EEFSEC: variants seen among roughly 807,000 people sequenced by gnomAD.
EEFSEC encodes the protein selenocysteine-specific elongation factor.
Under a neutral mutation model 42.1 loss-of-function variants are expected in EEFSEC, and 43 were observed. That is an observed-to-expected ratio of 1.02 (90% CI 0.80 to 1.32). The LOEUF (loss-of-function observed/expected upper bound fraction) is 1.32. Ranked by LOEUF, EEFSEC falls within the 40% of genes most tolerant of loss-of-function variation. The pLI is 0.00. For missense variants in EEFSEC, 745 were observed against 803.6 expected, an observed-to-expected ratio of 0.93 and a Z score of 0.88; for synonymous variants, 354 against 339.1, an observed-to-expected ratio of 1.04 and a Z score of -0.48.
chr3:128,353,513 A>G (rs1038592275), intron 5 of EEFSEC, among the ~76,000 whole-genome samples: 1 of 152,116 alleles, frequency 6.6e-6, no homozygotes, highest in Non-Finnish European at 1.5e-5. Context: ...GAACTTGGGG[A>G]TTGTCTTCTG....
At chr3:128,217,615 A>C (rs2065822960) in intron 1 of EEFSEC, among the ~76,000 whole-genome samples, 1 of 152,156 alleles carries the variant, frequency 6.6e-6, no homozygotes, top group Admixed American at 6.5e-5. Flanking sequence ...GGCCTGCCTG[A>C]ACATGTTCAA....
At chr3:128,420,365 G>A in the EEFSEC span, among the ~76,000 whole-genome samples, 4 of 152,246 alleles carry the variant, frequency 2.6e-5, no homozygotes, top group African/African-American at 7.2e-5. Flanking sequence ...ATGTGAGAAC[G>A]GTCCCTGCTG....
chr3:128,246,798 C>T (rs368182840), intron 1 of EEFSEC, 38 bp from the exon 2 acceptor site: 4 of 1,607,966 alleles, frequency 2.5e-6, no homozygotes, highest in East Asian at 2.2e-5. Flanking sequence ...GGCTCACCAC[C>T]CCTTTTCCCT....
intron 5 of EEFSEC, among the ~76,000 whole-genome samples, chr3:128,355,609 T>TAAA (rs5852542): frequency 5.7e-5 from 7 of 122,714 alleles, no homozygotes; most frequent in African/African-American, 1.8e-4. Flanking sequence ...AATGAAGCTG[T>TAAA]AAAAAAAAAA....
intron 6 of EEFSEC, among the ~76,000 whole-genome samples, chr3:128,381,563 C>T (rs1241460146): frequency 2.0e-5 from 3 of 152,196 alleles, no homozygotes; most frequent in Admixed American, 1.3e-4. Flanking sequence ...TACATTCATG[C>T]GTCAATCACC....
intron 2 of EEFSEC, among the ~76,000 whole-genome samples, chr3:128,257,052 T>C (rs1332479484): frequency 3.9e-5 from 6 of 152,178 alleles, no homozygotes; most frequent in African/African-American, 7.2e-5. Context: ...GCCCAGAATT[T>C]ATGTTTTTGA....
At chr3:128,223,185 G>A (rs1282307649) in intron 1 of EEFSEC, among the ~76,000 whole-genome samples, 1 of 152,224 alleles carries the variant, frequency 6.6e-6, no homozygotes, top group Non-Finnish European at 1.5e-5. Context: ...TATGCCCAGA[G>A]GGTGATTTTC....
chr3:128,282,299 C>T (rs985867996), intron 4 of EEFSEC, among the ~76,000 whole-genome samples: 5 of 152,232 alleles, frequency 3.3e-5, no homozygotes, highest in Non-Finnish European at 7.3e-5. Flanking sequence ...TCCCTGCTGC[C>T]GGCCTCGGTT....
chr3:128,254,690 T>C (rs1049022763), intron 2 of EEFSEC, among the ~76,000 whole-genome samples: 10 of 151,970 alleles, frequency 6.6e-5, no homozygotes, highest in African/African-American at 2.4e-4. Flanking sequence ...GATGAATCAG[T>C]GTGGGGAGAC....
chr3:128,236,090 G>A lies in EEFSEC; in HGVS notation c.317-10746G>A, dbSNP rs554221817. 1.0e-3 allele frequency among the ~76,000 whole-genome samples: 153 copies of A among 152,238 alleles called. 1 individual carries two copies. Among genetic ancestry groups the A allele is most frequent in the African/African-American group, 3.4e-3 (140 of 41,536 alleles). On this transcript the variant is annotated intron_variant, in intron 1 of 6. Coordinates refer to ENST00000254730, the MANE Select transcript of EEFSEC (RefSeq NM_021937.5). ...AGTGTTTCTCCTGTCTCAGGCTCCC[G>A]AGTAGCTGGGATTACGCAGCAACAC...
At chr3:128,263,169 A>G (rs549458347) in intron 3 of EEFSEC, among the ~76,000 whole-genome samples, 4 of 152,352 alleles carry the variant, frequency 2.6e-5, no homozygotes, top group African/African-American at 7.2e-5. Context: ...CTTTACATAC[A>G]GGATCATTGA....
At chr3:128,272,244 G>T (rs145678718) in intron 4 of EEFSEC, among the ~76,000 whole-genome samples, 1 of 152,224 alleles carries the variant, frequency 6.6e-6, no homozygotes, top group African/African-American at 2.4e-5. Context: ...TGAACATCAC[G>T]CTATCGAAGG....
chr3:128,189,189 G>A (rs904843689), intron 1 of EEFSEC, among the ~76,000 whole-genome samples: 1 of 152,356 alleles, frequency 6.6e-6, no homozygotes, highest in African/African-American at 2.4e-5. Flanking sequence ...GAGGAGGCCT[G>A]TGAGCACTGG....
intron 4 of EEFSEC, among the ~76,000 whole-genome samples, chr3:128,301,314 T>C (rs1475636870): frequency 1.3e-5 from 2 of 152,208 alleles, no homozygotes; most frequent in African/African-American, 2.4e-5. Context: ...TCCTTTTACC[T>C]GGGCAGCTCC....
chr3:128,423,979 G>C, the EEFSEC span, among the ~76,000 whole-genome samples: 1 of 152,176 alleles, frequency 6.6e-6, no homozygotes, highest in Non-Finnish European at 1.5e-5. Flanking sequence ...TGCCTGGGGG[G>C]GTGATGGGGA....
At chr3:128,255,840 G>A (rs2066236366) in intron 2 of EEFSEC, among the ~76,000 whole-genome samples, 2 of 152,086 alleles carry the variant, frequency 1.3e-5, no homozygotes, top group African/African-American at 2.4e-5. Flanking sequence ...GCTTGGAGGG[G>A]CTGGGGAGCG....
intron 6 of EEFSEC, among the ~76,000 whole-genome samples, chr3:128,389,474 T>G (rs750062252): frequency 1.3e-4 from 20 of 152,170 alleles, no homozygotes; most frequent in Non-Finnish European, 2.2e-4. Context: ...AAGTCACAAG[T>G]GGTTGGTGGT....
chr3:128,404,610 C>G, intron 6 of EEFSEC, among the ~76,000 whole-genome samples: 1 of 152,206 alleles, frequency 6.6e-6, no homozygotes, highest in East Asian at 1.9e-4. Context: ...TTCAGGGAGT[C>G]AGATACCTAC....
intron 1 of EEFSEC, among the ~76,000 whole-genome samples, chr3:128,184,606 A>G (rs1417471462): frequency 6.6e-6 from 1 of 152,144 alleles, no homozygotes; most frequent in Non-Finnish European, 1.5e-5. Flanking sequence ...ATTTATAGCC[A>G]TCTCTGTAGT....
Sources: allele counts gnomAD v4.1 joint callset (sites outside exome capture counted in the v4.1 genomes callset), GRCh38; gene constraint gnomAD v4.1.1; transcripts MANE v1.5; gene names NCBI Gene and HGNC (gene_info 2026-07-23, HGNC 2026-07-21).